Variants in TARS3 observed in about 807,000 individuals in gnomAD.
TARS3 encodes the protein threonyl-tRNA synthetase 3, also known as threonine--tRNA ligase 2, cytoplasmic.
In TARS3, 94 loss-of-function variants were observed where a neutral mutation model predicts 103.5. The observed-to-expected ratio is 0.91, with a 90% CI of 0.77 to 1.08. TARS3 has a LOEUF of 1.08. Ranked by LOEUF, TARS3 falls within the 50% of genes least tolerant of loss-of-function variation. TARS3 has a pLI of 0.00. For missense variants in TARS3, 952 were observed against 995.2 expected, an observed-to-expected ratio of 0.96 and a Z score of 0.58; for synonymous variants, 416 against 355.4, an observed-to-expected ratio of 1.17 and a Z score of -1.92.
Position 101,718,579 on chromosome 15 carries a change from T to C in TARS3, c.566+2547A>G, listed in dbSNP as rs536118457. 4.6e-5 allele frequency among the ~76,000 whole-genome samples: 7 copies of C among 152,236 alleles called. No homozygotes were observed. In the East Asian group the frequency reaches 1.4e-3, roughly 29 times the overall value. ...AAACCGCAGGAGGGACAGGCATTGA[T>C]AGCCCTTCTCAAAGGCCACACATAA... On this transcript the variant is annotated intron_variant, in intron 3 of 18. Coordinates refer to ENST00000335968, the MANE Select transcript of TARS3 (RefSeq NM_152334.3).
Position 101,661,789 on chromosome 15 carries a change from AG to A in TARS3, c.1994del (p.Pro665LeufsTer2). 1 of 1,605,864 alleles carries A rather than the reference AG, an allele frequency of 6.2e-7. No individual in the cohort carries two copies. The highest frequency in any genetic ancestry group is 8.5e-7 in the Non-Finnish European group (1 of 1,175,884). On this transcript the variant is annotated frameshift_variant, in exon 16 of 19. Coordinates refer to ENST00000335968, the MANE Select transcript of TARS3 (RefSeq NM_152334.3). LOFTEE classifies it high-confidence loss of function. Reference sequence around the variant, plus strand: ...CCAAAATGGCTCGATGAATGATCACAGGTCTCTTCTTATCATCCCCATCCTT... The same window carrying A: ...CCAAAATGGCTCGATGAATGATCACAGTCTCTTCTTATCATCCCCATCCTT... ...VSKDGDDKKRPVIIHRAILGS... is the reference protein window; with the variant it reads ...VSKDGDDKKRXVIIHRAILGS...
Position 101,702,311 on chromosome 15 carries a change from A to G in TARS3, c.1149T>C (p.Asp383=). 1 of 1,614,070 alleles carries G rather than the reference A, an allele frequency of 6.2e-7. No individual in the cohort carries two copies. The highest frequency in any genetic ancestry group is 8.5e-7 in the Non-Finnish European group (1 of 1,179,978). ...TTTCCCAGTCTCTCATCATCTTGTT[A>G]TCAGGAAAGGATATTCCATAGATCC... ...LQRIYGISFP[D]NKMMRDWEKF... Residue 383 remains aspartate, a synonymous_variant, in exon 9 of 19, where the codon GAT becomes GAC. Transcript: ENST00000335968.
intron 10 of TARS3, among the ~76,000 whole-genome samples, chr15:101,699,163 C>CA (rs1440004071): frequency 6.6e-6 from 1 of 152,140 alleles, no homozygotes; most frequent in African/African-American, 2.4e-5. Context: ...ACCATAATAA[C>CA]AAAAAACCAA....
intron 10 of TARS3, among the ~76,000 whole-genome samples, chr15:101,700,697 G>A (rs1245203387): frequency 4.0e-5 from 6 of 150,778 alleles, no homozygotes; most frequent in South Asian, 2.1e-4. Context: ...AGGCTGGAGC[G>A]CAGTGGCACA....
In TARS3 at chr15:101,654,425, T is replaced by C; in HGVS notation, c.*157A>G. Reference sequence around the variant, plus strand: ...GTGGACATGAGTAAATTAAACTTCGTGCATGTCAGCTACACGTTCATCGTC... The same window carrying C: ...GTGGACATGAGTAAATTAAACTTCGCGCATGTCAGCTACACGTTCATCGTC... On this transcript the variant is annotated 3_prime_UTR_variant, in exon 19 of 19. Coordinates refer to ENST00000335968, the MANE Select transcript of TARS3 (RefSeq NM_152334.3). 1 of 746,630 alleles carries C rather than the reference T, an allele frequency of 1.3e-6. No homozygotes were observed. The highest frequency in any genetic ancestry group is 2.0e-6 in the Non-Finnish European group (1 of 488,062). The allele number at this position is 746,630 out of a possible 1,614,324, so 46.3% of individuals were successfully genotyped here.
chr15:101,671,367 A>G, intron 15 of TARS3, 119 bp downstream of exon 15: 5 of 718,180 alleles, frequency 7.0e-6, no homozygotes. Context: ...ACAAATATAT[A>G]TTGCGTGTAT....
rs1899311933 is a variant in TARS3, at chr15:101,702,113, G to T, written c.1221+126C>A. The T allele has an allele frequency of 5.5e-6, 6 of 1,084,802 alleles. No individual in the cohort carries two copies. In the East Asian group the frequency reaches 1.4e-4, roughly 26 times the overall value. The allele number at this position is 1,084,802 out of a possible 1,614,324, so 67.2% of individuals were successfully genotyped here. A position where few individuals can be genotyped will look rare whatever the true frequency, so the allele number is the denominator to read the frequency against. On this transcript the variant is annotated intron_variant, in intron 9 of 18. Coordinates refer to ENST00000335968, the MANE Select transcript of TARS3 (RefSeq NM_152334.3). ...ATGAAAGCACTGAGCAGCGGACTGT[G>T]AGTGCCAGCAAAATAGGAGAGAAGA...
chr15:101,659,200 A>G (rs1023870083), intron 16 of TARS3, among the ~76,000 whole-genome samples: 4 of 152,240 alleles, frequency 2.6e-5, no homozygotes, highest in Admixed American at 2.6e-4. Context: ...GCTGTGGGAC[A>G]TGTTTGCCCT....
chr15:101,707,863 C>A (rs1899647830), intron 6 of TARS3, among the ~76,000 whole-genome samples: 1 of 151,992 alleles, frequency 6.6e-6, no homozygotes, highest in African/African-American at 2.4e-5. Flanking sequence ...TATTTTACTG[C>A]ACAAAAAAGA....
rs1035896176 is a variant in TARS3 at position 101,654,260 on chromosome 15, C to T, written c.*322G>A. ...ACTCTGCAGACTTTTATTTGAAGCC[C>T]ATCTTTTGAAAATCACTAACATTTC... is the stretch of plus-strand genomic sequence containing the variant. On this transcript the variant is annotated 3_prime_UTR_variant, in exon 19 of 19. Coordinates refer to ENST00000335968, the MANE Select transcript of TARS3 (RefSeq NM_152334.3). 9.1e-5 allele frequency: 20 copies of T among 218,582 alleles called. No individual in the cohort carries two copies. The highest frequency in any genetic ancestry group is 1.7e-4 in the Non-Finnish European group (19 of 113,420). 13.5% of individuals were successfully genotyped at this position (218,582 alleles called of 1,614,324 possible).
chr15:101,701,128 G>C lies in TARS3; in HGVS notation c.1278C>G (p.Pro426=), dbSNP rs1263303602. The C allele has an allele frequency of 1.4e-5, 23 of 1,596,970 alleles. No individual in the cohort carries two copies. Among genetic ancestry groups the C allele is most frequent in the Non-Finnish European group, 1.9e-5 (22 of 1,174,910 alleles). ...GCGTATTATAAATGAAGGCTCCTCT[G>C]GGAAGGAAAAAACAGCTTCCAGGAC... is the stretch of plus-strand genomic sequence containing the variant. ...DLSPGSCFFL[P]RGAFIYNTLT... is the part of the protein sequence containing the mutation. Residue 426 remains proline, a synonymous_variant, in exon 10 of 19, where the codon CCC becomes CCG. Transcript: ENST00000335968.
In TARS3 at chr15:101,693,152, T is replaced by A. The variant is rs568890744; in HGVS notation, c.1321-7090A>T. On this transcript the variant is annotated intron_variant, in intron 10 of 18. Coordinates refer to ENST00000335968, the MANE Select transcript of TARS3 (RefSeq NM_152334.3). ...TTTGGAAAATAGTTTGGCATTTTCT[T>A]ATAAACTTAAATTTACCATATCTAT... 3.9e-4 allele frequency among the ~76,000 whole-genome samples: 59 copies of A among 152,322 alleles called. No individual in the cohort carries two copies. In the South Asian group the frequency reaches 0.011, roughly 28 times the overall value.
At position 101,694,374 on chromosome 15, in the gene TARS3, G is replaced by A. The variant is rs189306500; in HGVS notation, c.1320+6712C>T. On this transcript the variant is annotated intron_variant, in intron 10 of 18. Coordinates refer to ENST00000335968, the MANE Select transcript of TARS3 (RefSeq NM_152334.3). ...GTAGAATGCGGCCATATATTCCATC[G>A]TGCTCAGCACCATGTATCCCCAGCA... Among the ~76,000 whole-genome samples the A allele has an allele frequency of 5.3e-5, 8 of 152,282 alleles. No individual in the cohort carries two copies. The East Asian group carries it at 5.8e-4, about 11-fold the overall frequency.
chr15:101,683,797 G>A (rs999027500), intron 12 of TARS3, among the ~76,000 whole-genome samples: 1 of 152,126 alleles, frequency 6.6e-6, no homozygotes, highest in African/African-American at 2.4e-5. Context: ...AGTTCTAGGC[G>A]ATACTGAAAA....
intron 13 of TARS3, 65 bp downstream of exon 13, chr15:101,675,535 C>G: frequency 6.7e-7 from 1 of 1,491,164 alleles, no homozygotes; most frequent in Non-Finnish European, 9.1e-7. Flanking sequence ...CCTGTGAAGA[C>G]TGCAGCCTCT....
chr15:101,703,848 T>A lies in TARS3; in HGVS notation c.1074+11A>T, dbSNP rs2141432724. ...TTAAGTTTACTGTATTAAAAAAAAATCAATCCTTACCTTAAAAATTTTGAT... is the reference window on the plus strand; with the variant it reads ...TTAAGTTTACTGTATTAAAAAAAAAACAATCCTTACCTTAAAAATTTTGAT... On this transcript the variant is annotated intron_variant, in intron 8 of 18. Coordinates refer to ENST00000335968, the MANE Select transcript of TARS3 (RefSeq NM_152334.3). The A allele has an allele frequency of 1.9e-6, 3 of 1,593,848 alleles. No homozygotes were observed. The highest frequency in any genetic ancestry group is 2.2e-5 in the East Asian group (1 of 44,714).
chr15:101,664,936 T>C (rs1269475456), intron 15 of TARS3, among the ~76,000 whole-genome samples: 1 of 152,058 alleles, frequency 6.6e-6, no homozygotes, highest in Non-Finnish European at 1.5e-5. Flanking sequence ...ACAGAGATTG[T>C]AGAACTGAAA....
rs763144655 is a variant in TARS3, at chr15:101,661,844, T to A, written c.1968-28A>T. 20 of 1,394,184 alleles carry A rather than the reference T, an allele frequency of 1.4e-5. No homozygotes were observed. The South Asian group carries it at 2.7e-4, about 18-fold the overall frequency. 86.4% of individuals were successfully genotyped at this position (1,394,184 alleles called of 1,614,324 possible). A position where few individuals can be genotyped will look rare whatever the true frequency, so the allele number is the denominator to read the frequency against. On this transcript the variant is annotated intron_variant, in intron 15 of 18. Coordinates refer to ENST00000335968, the MANE Select transcript of TARS3 (RefSeq NM_152334.3). The stretch of plus-strand genomic sequence containing the variant: ...AAAAAATGAAAATTATACATTTAAG[T>A]CTTTTCCTAAGATTCAATAACTATC...
In TARS3 at chr15:101,701,120, G is replaced by A. The variant is rs202170110; in HGVS notation, c.1286C>T (p.Ala429Val). Residue 429 changes from alanine (A) to valine (V), a missense_variant, in exon 10 of 19, where the codon GCC becomes GTC. By Grantham distance (64) the Ala-to-Val change is moderately conservative. Transcript: ENST00000335968. ...ATCTGTAAGCGTATTATAAATGAAG[G>A]CTCCTCTGGGAAGGAAAAAACAGCT... The part of the protein sequence containing the change: ...PGSCFFLPRG[A>V]FIYNTLTDFI... 6.3e-7 allele frequency: 1 copy of A among 1,593,336 alleles called. No individual in the cohort carries two copies. Among genetic ancestry groups the A allele is most frequent in the Admixed American group, 1.8e-5 (1 of 54,622 alleles).
Sources: gnomAD v4.1 joint callset for allele counts (sites outside exome capture counted in the v4.1 genomes callset) on GRCh38, gnomAD v4.1.1 for gene constraint, MANE v1.5 for transcripts, NCBI Gene and HGNC (gene_info 2026-07-23, HGNC 2026-07-21) for gene names.